Variants in CAMSAP1 observed in about 807,000 individuals in gnomAD.
CAMSAP1 encodes calmodulin regulated spectrin associated protein 1, also known as calmodulin-regulated spectrin-associated protein 1.
CAMSAP1 carries 58 observed loss-of-function variants against 143.5 expected under a neutral mutation model. The ratio of observed to expected loss-of-function variants is 0.40; its 90% CI spans 0.33 to 0.50. The LOEUF (loss-of-function observed/expected upper bound fraction) is 0.50. Among genes scored for constraint, CAMSAP1 ranks in the 20% least tolerant of loss-of-function variants. CAMSAP1 has a pLI of 0.45. For synonymous variants in CAMSAP1, 945 were observed against 859.3 expected, an observed-to-expected ratio of 1.10 and a Z score of -1.74; for missense variants, 1,969 against 2,115.7, an observed-to-expected ratio of 0.93 and a Z score of 1.36.
chr9:135,836,080 A>G, intron 7 of CAMSAP1: 1 of 982,204 alleles, frequency 1.0e-6, no homozygotes, highest in African/African-American at 1.7e-5. Context: ...GACCAGGGGC[A>G]GAAACTTCGG....
chr9:135,895,406 G>T (rs1246168547), intron 1 of CAMSAP1, among the ~76,000 whole-genome samples: 4 of 152,178 alleles, frequency 2.6e-5, no homozygotes, highest in African/African-American at 9.7e-5. Context: ...AGCTATGGAG[G>T]CCAGAGGGAA....
intron 14 of CAMSAP1, among the ~76,000 whole-genome samples, chr9:135,816,297 G>A (rs540185769): frequency 2.0e-5 from 3 of 152,298 alleles, no homozygotes; most frequent in South Asian, 4.1e-4. Flanking sequence ...CACTGCCCCC[G>A]TGAGCAGGGC....
At position 135,819,102 on chromosome 9, in the gene CAMSAP1, G is replaced by A. The variant is rs1346128477; in HGVS notation, c.3867C>T (p.Ala1289=). ...CCTTGCGCTGCTGCTTCAGGAGGAA[G>A]GCCGCCCGCTTCTTGGCGAGCTCAT... is the stretch of plus-strand genomic sequence containing the variant. ...AEDELAKKRA[A]FLLKQQRKAE... Residue 1289 remains alanine, a synonymous_variant, in exon 12 of 17, where the codon GCC becomes GCT. Transcript: ENST00000389532. 6.2e-6 allele frequency: 10 copies of A among 1,602,318 alleles called. No homozygotes were observed. The highest frequency in any genetic ancestry group is 1.7e-5 in the Admixed American group (1 of 58,848).
Position 135,823,208 on chromosome 9 carries a change from CT to C in CAMSAP1, c.1452del (p.Val485TrpfsTer27). The stretch of plus-strand genomic sequence containing the variant: ...ATGCTGTCGCCAGAGCTGGGATCCA[CT>C]TCACAACTCGCAGCGTGATGTAGAG... ...PFALHHAASCEVDPSSGDSIS... is the reference protein window; with the variant it reads ...PFALHHAASCXVDPSSGDSIS... On this transcript the variant is annotated frameshift_variant, in exon 11 of 17. Coordinates refer to ENST00000389532, the MANE Select transcript of CAMSAP1 (RefSeq NM_015447.4). LOFTEE classifies it high-confidence loss of function. The C allele has an allele frequency of 6.3e-7, 1 of 1,582,098 alleles. No individual in the cohort carries two copies.
rs552823884 is a variant in CAMSAP1, at chr9:135,836,426, G to A, written c.1046-8842C>T. 3.2e-5 allele frequency: 31 copies of A among 980,728 alleles called. No homozygotes were observed. The East Asian group carries it at 4.7e-4, about 15-fold the overall frequency. 60.8% of individuals were successfully genotyped at this position (980,728 alleles called of 1,614,324 possible). A position where few individuals can be genotyped will look rare whatever the true frequency, so the allele number is the denominator to read the frequency against. On this transcript the variant is annotated intron_variant, in intron 7 of 16. Transcript: ENST00000389532. The stretch of plus-strand genomic sequence containing the variant: ...TTTTTCTACTCCGTTCTACAGACAC[G>A]TCACCACACACTTTCTACCCTGTTC...
chr9:135,891,440 G>T (rs930380594), intron 1 of CAMSAP1, among the ~76,000 whole-genome samples: 6 of 152,230 alleles, frequency 3.9e-5, no homozygotes, highest in Admixed American at 3.9e-4. Context: ...TGAGCTGTGT[G>T]TGCCTTGGGC....
At chr9:135,886,114 G>C (rs1055682904) in intron 1 of CAMSAP1, among the ~76,000 whole-genome samples, 2 of 151,636 alleles carry the variant, frequency 1.3e-5, no homozygotes, top group African/African-American at 2.4e-5. Flanking sequence ...ATAGTTTCTT[G>C]TTGTTTTTTC....
At chr9:135,813,596 C>T (rs1239231954) in intron 16 of CAMSAP1, among the ~76,000 whole-genome samples, 1 of 152,182 alleles carries the variant, frequency 6.6e-6, no homozygotes, top group Non-Finnish European at 1.5e-5. Flanking sequence ...GCGTGTGGTG[C>T]CCACAGCTTA....
intron 5 of CAMSAP1, among the ~76,000 whole-genome samples, chr9:135,853,374 G>A (rs974063053): frequency 3.3e-5 from 5 of 152,282 alleles, no homozygotes; most frequent in East Asian, 1.9e-4. Flanking sequence ...GTGTGCCAAC[G>A]TTAGCTTTCC....
chr9:135,813,462 A>G (rs188488569), intron 16 of CAMSAP1, among the ~76,000 whole-genome samples: 1 of 152,230 alleles, frequency 6.6e-6, no homozygotes, highest in Non-Finnish European at 1.5e-5. Context: ...AACCCTACTC[A>G]CTGTGTTTAA....
intron 7 of CAMSAP1, among the ~76,000 whole-genome samples, chr9:135,844,034 A>ATTAGAC (rs1312902948): frequency 6.6e-6 from 1 of 152,162 alleles, no homozygotes; most frequent in Non-Finnish European, 1.5e-5. Context: ...CACTGTCAAT[A>ATTAGAC]TTAGACAGAT....
chr9:135,811,387 C>A lies in CAMSAP1; in HGVS notation c.4731G>T (p.Val1577=). The part of the protein sequence containing the change: ...LIPAKTMSVS[V]DALTIHNHLW... The stretch of plus-strand genomic sequence containing the variant: ...GGTGGTTGTGGATTGTGAGTGCGTC[C>A]ACACTGACAGACATGGTTTTGGCTG... The change falls in exon 17 of 17, where the codon GTG becomes GTT. Residue 1577 remains valine (V), a synonymous_variant. Coordinates refer to ENST00000389532, the MANE Select transcript of CAMSAP1 (RefSeq NM_015447.4). The surrounding 1 kb of genome is among the most constrained non-coding windows in gnomAD (Gnocchi z 4.9). 6.2e-7 allele frequency: 1 copy of A among 1,612,936 alleles called. No individual in the cohort carries two copies. The highest frequency in any genetic ancestry group is 1.1e-5 in the South Asian group (1 of 90,764).
At chr9:135,893,261 T>C (rs1407182947) in intron 1 of CAMSAP1, among the ~76,000 whole-genome samples, 1 of 105,892 alleles carries the variant, frequency 9.4e-6, no homozygotes, top group Non-Finnish European at 1.9e-5. Context: ...AGGAGAGAGA[T>C]GAAAGAAAGA....
At chr9:135,819,761 C>T (rs1318544980) in intron 11 of CAMSAP1, among the ~76,000 whole-genome samples, 14 of 150,892 alleles carry the variant, frequency 9.3e-5, no homozygotes, top group African/African-American at 2.7e-4. Flanking sequence ...GCAGAAGAAT[C>T]GCTTGAACTC....
intron 5 of CAMSAP1, among the ~76,000 whole-genome samples, chr9:135,855,019 CT>C (rs1170418097): frequency 6.6e-6 from 1 of 151,142 alleles, no homozygotes; most frequent in Non-Finnish European, 1.5e-5. Context: ...TGAGATGGAG[CT>C]TCACTCTGTC....
In CAMSAP1 at chr9:135,811,697, A is replaced by G; in HGVS notation, c.4507-86T>C. On this transcript the variant is annotated intron_variant, in intron 16 of 16. Transcript: ENST00000389532. The surrounding 1 kb of genome is among the most constrained non-coding windows in gnomAD (Gnocchi z 4.9). ...GTTGGGCTCCCACAGCGGCTCAACC[A>G]GCACCGCTCCGTGGGAAGCTCTCCC... 7 of 1,316,460 alleles carry G rather than the reference A, an allele frequency of 5.3e-6. No individual in the cohort carries two copies. Among genetic ancestry groups the G allele is most frequent in the Non-Finnish European group, 7.3e-6 (7 of 955,418 alleles). 81.5% of individuals were successfully genotyped at this position (1,316,460 alleles called of 1,614,324 possible).
At chr9:135,840,871 T>G (rs564649017) in intron 7 of CAMSAP1, among the ~76,000 whole-genome samples, 1 of 152,310 alleles carries the variant, frequency 6.6e-6, no homozygotes, top group South Asian at 2.1e-4. Flanking sequence ...GAGATTCCCT[T>G]CAGTGCTTAC....
rs1433745677 is a variant in CAMSAP1, at chr9:135,810,604, T to C, written c.*705A>G. On this transcript the variant is annotated 3_prime_UTR_variant, in exon 17 of 17. Transcript: ENST00000389532. Reference sequence around the variant, plus strand: ...CCAGAAGTCATCATCTTCACATTTGTAGACGTTGTTCTAGCGGAAGACAGG... The same window carrying C: ...CCAGAAGTCATCATCTTCACATTTGCAGACGTTGTTCTAGCGGAAGACAGG... 6.5e-6 allele frequency: 1 copy of C among 152,696 alleles called. No individual in the cohort carries two copies. Among genetic ancestry groups the C allele is most frequent in the Non-Finnish European group, 1.5e-5 (1 of 68,078 alleles). 9.5% of individuals were successfully genotyped at this position (152,696 alleles called of 1,614,324 possible). A position where few individuals can be genotyped will look rare whatever the true frequency, so the allele number is the denominator to read the frequency against.
chr9:135,881,868 C>T, intron 2 of CAMSAP1, 74 bp from the exon 3 acceptor site: 1 of 1,493,946 alleles, frequency 6.7e-7, no homozygotes, highest in Non-Finnish European at 9.1e-7. Context: ...GGAACCTGCT[C>T]ATACTCAGCA....
Sources: gnomAD v4.1 joint callset for allele counts (sites outside exome capture counted in the v4.1 genomes callset) on GRCh38, gnomAD v4.1.1 for gene constraint, Gnocchi (gnomAD v3.1) non-coding constraint, MANE v1.5 for transcripts, NCBI Gene and HGNC (gene_info 2026-07-23, HGNC 2026-07-21) for gene names.